SVOPL: variants seen among roughly 807,000 people sequenced by gnomAD.
The protein encoded by SVOPL is SVOP like, also known as putative transporter SVOPL.
A neutral mutation model predicts 61.0 loss-of-function variants in SVOPL; 60 were observed. That is an observed-to-expected ratio of 0.98 (90% CI 0.80 to 1.22). The LOEUF is 1.22. Ranked by LOEUF, SVOPL falls within the 50% of genes most tolerant of loss-of-function variation. The pLI, the probability that SVOPL is intolerant of heterozygous loss-of-function variation, is 0.00. For synonymous variants in SVOPL, 279 were observed against 250.0 expected, an observed-to-expected ratio of 1.12 and a Z score of -1.09; for missense variants, 662 against 643.9, an observed-to-expected ratio of 1.03 and a Z score of -0.30.
intron 7 of SVOPL, among the ~76,000 whole-genome samples, chr7:138,655,039 C>G (rs1256295232): frequency 1.3e-5 from 2 of 149,536 alleles, no homozygotes; most frequent in Non-Finnish European, 3.0e-5. Context: ...AAAAATACAA[C>G]AATCAGCTGG....
At chr7:138,627,955 G>T (rs909052886) in intron 11 of SVOPL, among the ~76,000 whole-genome samples, 1 of 152,120 alleles carries the variant, frequency 6.6e-6, no homozygotes, top group Admixed American at 6.6e-5. Context: ...ACAATTGATA[G>T]AATACAGCAC....
At chr7:138,682,994 GA>G (rs1219360226) in intron 1 of SVOPL, among the ~76,000 whole-genome samples, 1 of 142,920 alleles carries the variant, frequency 7.0e-6, no homozygotes, top group Non-Finnish European at 1.5e-5. Context: ...AAAAAAAAAA[GA>G]AAAACAGCAA....
intron 14 of SVOPL, among the ~76,000 whole-genome samples, chr7:138,601,206 C>G (rs529748548): frequency 6.9e-6 from 1 of 144,320 alleles, no homozygotes; most frequent in Admixed American, 7.2e-5. Flanking sequence ...GAGCCAAGAT[C>G]GTGCCACTGC....
chr7:138,620,124 G>GTTTTTTTTT (rs68156955), intron 14 of SVOPL, among the ~76,000 whole-genome samples: 4 of 114,628 alleles, frequency 3.5e-5, no homozygotes, highest in Non-Finnish European at 3.4e-5. Flanking sequence ...TTTCTGTTTT[G>GTTTTTTTTT]TTTTTTTTTT....
intron 4 of SVOPL, among the ~76,000 whole-genome samples, chr7:138,663,988 T>C (rs562150173): frequency 1.1e-4 from 17 of 152,222 alleles, no homozygotes; most frequent in Middle Eastern, 3.4e-3. Flanking sequence ...AAATTCATCA[T>C]ATATATTCTT....
chr7:138,619,710 G>A (rs886630261), intron 14 of SVOPL, among the ~76,000 whole-genome samples: 5 of 151,922 alleles, frequency 3.3e-5, no homozygotes, highest in Admixed American at 6.6e-5. Context: ...CCCAACTCCC[G>A]CTCTCTGTCA....
intron 1 of SVOPL, among the ~76,000 whole-genome samples, chr7:138,687,733 C>A (rs931416842): frequency 2.9e-4 from 43 of 149,428 alleles, no homozygotes; most frequent in Non-Finnish European, 5.8e-4. Context: ...ATTTGCAAAC[C>A]ATATACCTGA....
At chr7:138,660,583 C>T in intron 5 of SVOPL, 1 of 985,420 alleles carries the variant, frequency 1.0e-6, no homozygotes, top group Non-Finnish European at 1.2e-6. Flanking sequence ...TAAGACCTTG[C>T]TCTACTGTTG....
chr7:138,692,912 G>A (rs938827021), intron 1 of SVOPL, among the ~76,000 whole-genome samples: 49 of 152,194 alleles, frequency 3.2e-4, no homozygotes, highest in African/African-American at 1.1e-3. Flanking sequence ...GTTGGAAGTC[G>A]GTGAGGAAAG....
intron 3 of SVOPL, 88 bp from the exon 4 acceptor site, chr7:138,672,205 C>G (rs1375954394): frequency 3.2e-6 from 4 of 1,235,686 alleles, no homozygotes; most frequent in East Asian, 5.1e-5. Context: ...CCTACCTAGT[C>G]CTGTCCCCTT....
At chr7:138,594,772 G>A (rs886342167) in intron 15 of SVOPL, 151 bp from the exon 16 acceptor site, 2 of 534,918 alleles carry the variant, frequency 3.7e-6, no homozygotes, top group Admixed American at 3.7e-5. Context: ...TGTATCTGAA[G>A]ATACAATGCT....
At chr7:138,599,565 AC>A (rs1217040002) in intron 14 of SVOPL, among the ~76,000 whole-genome samples, 1 of 152,156 alleles carries the variant, frequency 6.6e-6, no homozygotes, top group African/African-American at 2.4e-5. Context: ...CTAGATCCTT[AC>A]TTCAGGCCTA....
At chr7:138,638,695 AGAG>A (rs763692697) in intron 9 of SVOPL, among the ~76,000 whole-genome samples, 7 of 152,210 alleles carry the variant, frequency 4.6e-5, no homozygotes, top group Non-Finnish European at 8.8e-5. Flanking sequence ...TATAAATGAG[AGAG>A]GAGAAAGAAA....
chr7:138,604,428 C>T (rs1798662618), intron 14 of SVOPL, among the ~76,000 whole-genome samples: 1 of 152,048 alleles, frequency 6.6e-6, no homozygotes, highest in Non-Finnish European at 1.5e-5. Context: ...AATCCCAGCA[C>T]ATTGGGAGGC....
chr7:138,602,169 T>C (rs1002044456), intron 14 of SVOPL, among the ~76,000 whole-genome samples: 1 of 152,076 alleles, frequency 6.6e-6, no homozygotes, highest in African/African-American at 2.4e-5. Context: ...ATCACTCCTG[T>C]GAATAGCCTC....
At chr7:138,609,719 T>TGG (rs755165258) in intron 14 of SVOPL, among the ~76,000 whole-genome samples, 32 of 55,050 alleles carry the variant, frequency 5.8e-4, no homozygotes, top group East Asian at 2.8e-3. Context: ...GTTTTTTTTT[T>TGG]GGGGGGGGTG....
chr7:138,628,036 G>T, intron 11 of SVOPL, 122 bp downstream of exon 11: 1 of 1,150,714 alleles, frequency 8.7e-7, no homozygotes, highest in Non-Finnish European at 1.3e-6. Flanking sequence ...AGCACTACTT[G>T]GCAACTTATT....
intron 9 of SVOPL, among the ~76,000 whole-genome samples, chr7:138,643,002 C>T (rs1208728521): frequency 1.3e-5 from 2 of 152,034 alleles, no homozygotes; most frequent in Non-Finnish European, 2.9e-5. Flanking sequence ...ATCCCTTGTG[C>T]ACTGTTGGTG....
intron 1 of SVOPL, among the ~76,000 whole-genome samples, chr7:138,693,742 T>G (rs1182609136): frequency 6.6e-6 from 1 of 152,054 alleles, no homozygotes; most frequent in Non-Finnish European, 1.5e-5. Context: ...TGTGGGAAGC[T>G]GAAGCAGGAG....
Sources: allele counts gnomAD v4.1 joint callset (sites outside exome capture counted in the v4.1 genomes callset), GRCh38; gene constraint gnomAD v4.1.1; transcripts MANE v1.5; gene names NCBI Gene and HGNC (gene_info 2026-07-23, HGNC 2026-07-21).